COX10: variants seen among roughly 807,000 people sequenced by gnomAD.
COX10 encodes the protein cytochrome c oxidase assembly factor heme A:farnesyltransferase COX10, also known as protoheme IX farnesyltransferase, mitochondrial.
In COX10, 27 loss-of-function variants were observed where a neutral mutation model predicts 37.3. That is an observed-to-expected ratio of 0.72 (90% CI 0.53 to 1.00). COX10 has a LOEUF of 1.00. COX10 is among the 50% of genes least tolerant of loss of function. COX10 has a pLI of 0.00. For synonymous variants in COX10, 222 were observed against 229.1 expected, an observed-to-expected ratio of 0.97 and a Z score of 0.28; for missense variants, 475 against 563.2, an observed-to-expected ratio of 0.84 and a Z score of 1.59.
chr17:14,166,472 G>A (rs1905286404), intron 5 of COX10, among the ~76,000 whole-genome samples: 1 of 152,140 alleles, frequency 6.6e-6, no homozygotes, highest in African/African-American at 2.4e-5. Flanking sequence ...GGAAAAGATT[G>A]CCTTCAAAAT....
intron 4 of COX10, among the ~76,000 whole-genome samples, chr17:14,122,500 A>C (rs1916252383): frequency 6.6e-6 from 1 of 152,192 alleles, no homozygotes; most frequent in South Asian, 2.1e-4. Flanking sequence ...CATTTAATAC[A>C]ATCATATATG....
At chr17:14,138,877 T>C (rs1208046992) in intron 4 of COX10, among the ~76,000 whole-genome samples, 2 of 152,026 alleles carry the variant, frequency 1.3e-5, no homozygotes, top group Non-Finnish European at 2.9e-5. Context: ...GGGTATTCGG[T>C]AGTGATGAAG....
chr17:14,175,510 T>C (rs60214960), intron 5 of COX10, among the ~76,000 whole-genome samples: 84,675 of 147,600 alleles, frequency 0.57, 24,829 homozygotes, highest in East Asian at 0.62. Flanking sequence ...CTTATAAAGC[T>C]GTCAGTAAAT....
chr17:14,106,034 G>T (rs2142202930), intron 4 of COX10, among the ~76,000 whole-genome samples: 1 of 150,704 alleles, frequency 6.6e-6, no homozygotes, highest in South Asian at 2.1e-4. Flanking sequence ...TTTTTTTGAG[G>T]TAGGGTTTCG....
intron 3 of COX10, among the ~76,000 whole-genome samples, chr17:14,082,161 A>G (rs562038393): frequency 1.1e-4 from 16 of 152,344 alleles, no homozygotes; most frequent in Admixed American, 4.6e-4. Context: ...ACTTTGGGGT[A>G]TATCACCTTT....
intron 4 of COX10, among the ~76,000 whole-genome samples, chr17:14,117,179 T>TA (rs1916132923): frequency 1.3e-5 from 2 of 152,202 alleles, no homozygotes; most frequent in African/African-American, 4.8e-5. Flanking sequence ...TTTTTTACGT[T>TA]AAAAACATTA....
At chr17:14,112,768 G>C (rs1916031530) in intron 4 of COX10, among the ~76,000 whole-genome samples, 1 of 152,216 alleles carries the variant, frequency 6.6e-6, no homozygotes, top group African/African-American at 2.4e-5. Context: ...GACAGAGGGA[G>C]CATCATGAGT....
In COX10 at chr17:14,207,269, G is replaced by A; in HGVS notation, c.*56G>A. On this transcript the variant is annotated 3_prime_UTR_variant, in exon 7 of 7. Transcript: ENST00000261643. ...TCCGCTGCCAGGCGAGCATGTTGTG[G>A]TAATTCTGGAACACAAGAAGAGAAA... 6.7e-7 allele frequency: 1 copy of A among 1,484,516 alleles called. No homozygotes were observed. Among genetic ancestry groups the A allele is most frequent in the South Asian group, 1.3e-5 (1 of 75,422 alleles). The allele number at this position is 1,484,516 out of a possible 1,614,324, so 92.0% of individuals were successfully genotyped here. A position where few individuals can be genotyped will look rare whatever the true frequency, so the allele number is the denominator to read the frequency against.
chr17:14,093,541 C>G (rs867012412), intron 3 of COX10, among the ~76,000 whole-genome samples: 2 of 152,170 alleles, frequency 1.3e-5, no homozygotes, highest in Non-Finnish European at 2.9e-5. Context: ...GCAAAGTATA[C>G]TGTGAGGTTA....
chr17:14,139,811 A>C (rs997173327), intron 4 of COX10, among the ~76,000 whole-genome samples: 1 of 152,128 alleles, frequency 6.6e-6, no homozygotes, highest in Admixed American at 6.6e-5. Flanking sequence ...AGATGTCTGT[A>C]ACTTCTTGGA....
chr17:14,072,775 T>A (rs1330897951), intron 1 of COX10, among the ~76,000 whole-genome samples: 1 of 152,228 alleles, frequency 6.6e-6, no homozygotes, highest in Non-Finnish European at 1.5e-5. Flanking sequence ...GTGATAGTTC[T>A]CCTTCCCATA....
At chr17:14,206,505 G>A (rs750597391) in intron 6 of COX10, among the ~76,000 whole-genome samples, 3 of 152,076 alleles carry the variant, frequency 2.0e-5, no homozygotes, top group East Asian at 1.9e-4. Context: ...GATGGTAAGC[G>A]TCCTGCAGCG....
chr17:14,109,344 C>T (rs1279548198), intron 4 of COX10, among the ~76,000 whole-genome samples: 1 of 152,158 alleles, frequency 6.6e-6, no homozygotes, highest in Non-Finnish European at 1.5e-5. Context: ...TTCTAAATTA[C>T]ATTTGATTCC....
At chr17:14,087,041 T>C (rs1199940834) in intron 3 of COX10, among the ~76,000 whole-genome samples, 3 of 152,216 alleles carry the variant, frequency 2.0e-5, no homozygotes, top group Non-Finnish European at 4.4e-5. Flanking sequence ...CTTTGTTTCA[T>C]GGGGTTAGGT....
intron 1 of COX10, among the ~76,000 whole-genome samples, chr17:14,072,185 A>G (rs901978534): frequency 2.0e-5 from 3 of 152,000 alleles, no homozygotes; most frequent in Non-Finnish European, 2.9e-5. Flanking sequence ...TCTTCTTACT[A>G]CCATTCTGTA....
intron 6 of COX10, among the ~76,000 whole-genome samples, chr17:14,193,268 C>A (rs1214990720): frequency 6.6e-6 from 1 of 152,216 alleles, no homozygotes; most frequent in Non-Finnish European, 1.5e-5. Context: ...TCCTTCGCAG[C>A]TGAACTCAGC....
At chr17:14,134,922 C>A (rs111697727) in intron 4 of COX10, among the ~76,000 whole-genome samples, 8,496 of 151,822 alleles carry the variant, frequency 0.056, 343 homozygotes, top group African/African-American at 0.12. Flanking sequence ...TACAATATTA[C>A]AAGCAGGATG....
At chr17:14,197,436 T>C (rs891623356) in intron 6 of COX10, among the ~76,000 whole-genome samples, 8 of 152,126 alleles carry the variant, frequency 5.3e-5, no homozygotes, top group African/African-American at 1.4e-4. Flanking sequence ...TGATTTTTTT[T>C]CCCCCCACAA....
chr17:14,108,758 G>GGTTT (rs1483554557), intron 4 of COX10, among the ~76,000 whole-genome samples: 3 of 152,080 alleles, frequency 2.0e-5, no homozygotes, highest in Non-Finnish European at 2.9e-5. Context: ...TTTAAACTCT[G>GGTTT]AAAGGAAAAA....
Sources: gnomAD v4.1 joint callset for allele counts (sites outside exome capture counted in the v4.1 genomes callset) on GRCh38, gnomAD v4.1.1 for gene constraint, MANE v1.5 for transcripts, NCBI Gene and HGNC (gene_info 2026-07-23, HGNC 2026-07-21) for gene names.